The following SETBP1 variants were observed in gnomAD, a reference collection of about 807,000 sequenced individuals.
SETBP1 encodes SET-binding protein.
SETBP1 carries 9 observed loss-of-function variants against 101.0 expected under a neutral mutation model. The observed-to-expected ratio is 0.09, with a 90% CI of 0.05 to 0.16. The LOEUF is 0.16. Among genes scored for constraint, SETBP1 ranks in the 10% least tolerant of loss-of-function variants. The pLI is 1.00. For missense variants in SETBP1, 1,858 were observed against 2,033.8 expected (o/e 0.91, Z 1.66); for synonymous variants, 818 against 788.5 (o/e 1.04, Z -0.63).
chr18:45,051,598 CA>C (rs1475118123), intron 5 of SETBP1, among the ~76,000 whole-genome samples: 1 of 152,116 alleles, frequency 6.6e-6, no homozygotes, highest in Non-Finnish European at 1.5e-5. Context: ...TCAAAAACAA[CA>C]AAAAAGACCA....
At chr18:44,937,688 A>G (rs2070994565) in intron 3 of SETBP1, among the ~76,000 whole-genome samples, 1 of 152,100 alleles carries the variant, frequency 6.6e-6, no homozygotes. Flanking sequence ...CTCAGATGCT[A>G]GTCCTTGAGC....
At chr18:45,015,556 C>T (rs910006985) in intron 4 of SETBP1, among the ~76,000 whole-genome samples, 2 of 152,148 alleles carry the variant, frequency 1.3e-5, no homozygotes, top group African/African-American at 4.8e-5. Flanking sequence ...CCACTCATGC[C>T]CCAAGCCTGA....
intron 3 of SETBP1, among the ~76,000 whole-genome samples, chr18:44,947,917 T>C (rs1243935546): frequency 6.6e-6 from 1 of 152,244 alleles, no homozygotes; most frequent in Non-Finnish European, 1.5e-5. Context: ...AGAGCTCCTC[T>C]AGACCTGTGA....
At chr18:44,772,282 G>A (rs776003198) in intron 2 of SETBP1, among the ~76,000 whole-genome samples, 36 of 152,146 alleles carry the variant, frequency 2.4e-4, no homozygotes, top group Non-Finnish European at 4.3e-4. Context: ...GCAGCAGTGC[G>A]AGCGCCATTT....
intron 2 of SETBP1, among the ~76,000 whole-genome samples, chr18:44,823,142 A>T (rs12607067): frequency 0.058 from 8,817 of 152,302 alleles, 348 homozygotes; most frequent in East Asian, 0.13. Context: ...AAAAAGGAAT[A>T]AGAGAGAATT....
intron 2 of SETBP1, among the ~76,000 whole-genome samples, chr18:44,703,537 T>C (rs1050749369): frequency 1.3e-5 from 2 of 151,916 alleles, no homozygotes; most frequent in Non-Finnish European, 2.9e-5. Context: ...AGAGACTTTC[T>C]AGGGTGACTG....
chr18:45,005,030 A>G (rs1246887597), intron 4 of SETBP1, among the ~76,000 whole-genome samples: 1 of 152,232 alleles, frequency 6.6e-6, no homozygotes, highest in East Asian at 1.9e-4. Context: ...AAGCCAAGTG[A>G]TCTGCAGAGT....
Position 44,818,744 on chromosome 18 carries a change from C to T in SETBP1, c.487-50486C>T, listed in dbSNP as rs1409728466. Among the ~76,000 whole-genome samples, 6 of 108,886 alleles carry T rather than the reference C, an allele frequency of 5.5e-5. No homozygotes were observed. In the East Asian group the frequency reaches 1.0e-3, roughly 19 times the overall value. The allele number at this position is 108,886 out of a possible 152,430, so 71.4% of individuals were successfully genotyped here. A position where few individuals can be genotyped will look rare whatever the true frequency, so the allele number is the denominator to read the frequency against. On this transcript the variant is annotated intron_variant, in intron 2 of 5. Transcript: ENST00000649279. Reference sequence around the variant, plus strand: ...TTTCTTTTTATGAAAAGAAAAGACACGCACACACTCACACACACACACACA... The same window carrying T: ...TTTCTTTTTATGAAAAGAAAAGACATGCACACACTCACACACACACACACA...
chr18:44,906,285 G>T (rs1402550804), intron 3 of SETBP1, among the ~76,000 whole-genome samples: 2 of 152,192 alleles, frequency 1.3e-5, no homozygotes, highest in Admixed American at 6.5e-5. Context: ...CTCCAGGAAA[G>T]AAACTAGGGG....
intron 3 of SETBP1, among the ~76,000 whole-genome samples, chr18:44,901,543 T>C (rs1463850986): frequency 2.0e-5 from 3 of 152,088 alleles, no homozygotes; most frequent in Non-Finnish European, 4.4e-5. Context: ...GGCTGAAGCT[T>C]TGGGTATGAT....
At chr18:44,758,464 G>A (rs1201925173) in intron 2 of SETBP1, among the ~76,000 whole-genome samples, 1 of 151,402 alleles carries the variant, frequency 6.6e-6, no homozygotes, top group Non-Finnish European at 1.5e-5. Flanking sequence ...CTCACTGCAA[G>A]CTCTGCCTCC....
chr18:44,743,511 G>C (rs1257725840), intron 2 of SETBP1, among the ~76,000 whole-genome samples: 1 of 152,114 alleles, frequency 6.6e-6, no homozygotes. Flanking sequence ...ACTTGTACCA[G>C]CTCCATATTG....
chr18:44,762,938 T>C (rs1001776129), intron 2 of SETBP1, among the ~76,000 whole-genome samples: 2 of 152,242 alleles, frequency 1.3e-5, no homozygotes, highest in Non-Finnish European at 2.9e-5. Flanking sequence ...TGGTGTCAAG[T>C]ATTACATAGA....
chr18:44,808,303 G>T (rs2071790653), intron 2 of SETBP1, among the ~76,000 whole-genome samples: 1 of 152,036 alleles, frequency 6.6e-6, no homozygotes. Flanking sequence ...TTGTTTCTTT[G>T]TTTGCCTCTC....
chr18:44,756,721 C>T (rs1007116810), intron 2 of SETBP1, among the ~76,000 whole-genome samples: 20 of 152,196 alleles, frequency 1.3e-4, no homozygotes, highest in African/African-American at 4.8e-4. Context: ...CATTAACCTC[C>T]TTAATGATGT....
intron 5 of SETBP1, among the ~76,000 whole-genome samples, chr18:45,056,329 C>A (rs903853155): frequency 4.6e-5 from 7 of 152,162 alleles, no homozygotes; most frequent in Non-Finnish European, 1.0e-4. Context: ...ACTGACAGCA[C>A]CCTGAAAGCC....
intron 3 of SETBP1, among the ~76,000 whole-genome samples, chr18:44,946,424 A>G (rs1370467006): frequency 6.6e-6 from 1 of 152,206 alleles, no homozygotes; most frequent in African/African-American, 2.4e-5. Context: ...TGACAGTCTC[A>G]TGGCCTTCTC....
rs1247213225 is a variant in SETBP1 at position 45,063,770 on chromosome 18, G to GCGGAATCCCCCGCTGCAGGGA, written c.*74_*94dup. On this transcript the variant is annotated 3_prime_UTR_variant, in exon 6 of 6. Coordinates refer to ENST00000649279, the MANE Select transcript of SETBP1 (RefSeq NM_015559.3). Reference sequence around the variant, plus strand: ...GGAAGCGCAGTGAGCCGGGGCGGGGGCGGAATCCCCCGCTGCAGGGACACC... The same window carrying GCGGAATCCCCCGCTGCAGGGA: ...GGAAGCGCAGTGAGCCGGGGCGGGGGCGGAATCCCCCGCTGCAGGGACGGAATCCCCCGCTGCAGGGACACC... 2.6e-4 allele frequency: 388 copies of GCGGAATCCCCCGCTGCAGGGA among 1,519,118 alleles called. 2 individuals are homozygous for GCGGAATCCCCCGCTGCAGGGA. The Admixed American group carries it at 5.8e-3, about 23-fold the overall frequency. 94.1% of individuals were successfully genotyped at this position (1,519,118 alleles called of 1,614,324 possible).
In SETBP1 at chr18:45,063,863, CTCTTGGGAAAGCA is replaced by C. The variant is rs1019899554; in HGVS notation, c.*166_*178del. 7.0e-6 allele frequency: 5 copies of C among 714,224 alleles called. No individual in the cohort carries two copies. The Admixed American group carries it at 1.5e-4, about 22-fold the overall frequency. The allele number at this position is 714,224 out of a possible 1,614,324, so 44.2% of individuals were successfully genotyped here. A position where few individuals can be genotyped will look rare whatever the true frequency, so the allele number is the denominator to read the frequency against. On this transcript the variant is annotated 3_prime_UTR_variant, in exon 6 of 6. Coordinates refer to ENST00000649279, the MANE Select transcript of SETBP1 (RefSeq NM_015559.3). ...GACGACGGGGCTGAGCCATCAGGAG[CTCTTGGGAAAGCA>C]AAGCAGGGAGACACCTTCAGAAGAA...
Sources: gnomAD v4.1 joint callset for allele counts (sites outside exome capture counted in the v4.1 genomes callset) on GRCh38, gnomAD v4.1.1 for gene constraint, MANE v1.5 for transcripts, NCBI Gene and HGNC (gene_info 2026-07-23, HGNC 2026-07-21) for gene names.